Variants in LIMCH1 observed in about 807,000 individuals in gnomAD.
LIMCH1 encodes LIM and calponin homology domains 1.
LIMCH1 carries 113 observed loss-of-function variants against 176.5 expected under a neutral mutation model. That is an observed-to-expected ratio of 0.64 (90% CI 0.55 to 0.75). LIMCH1 has a LOEUF of 0.75. LIMCH1 is among the 30% of genes least tolerant of loss of function. The pLI, the probability that LIMCH1 is intolerant of heterozygous loss-of-function variation, is 0.00. For synonymous variants in LIMCH1, 619 were observed against 645.9 expected, an observed-to-expected ratio of 0.96 and a Z score of 0.63; for missense variants, 1,674 against 1,814.9, an observed-to-expected ratio of 0.92 and a Z score of 1.41.
chr4:41,644,382 G>A lies in LIMCH1; in HGVS notation c.2127-118G>A, dbSNP rs1369060436. The A allele has an allele frequency of 3.8e-6, 5 of 1,301,758 alleles. No homozygotes were observed. In the Admixed American group the frequency reaches 1.0e-4, roughly 27 times the overall value. The allele number at this position is 1,301,758 out of a possible 1,614,324, so 80.6% of individuals were successfully genotyped here. A position where few individuals can be genotyped will look rare whatever the true frequency, so the allele number is the denominator to read the frequency against. ...GCCAGTCACGCGCTGTGCGCAGCCC[G>A]GGAAGGGGGCAGTTTTCCAAGCCCG... On this transcript the variant is annotated intron_variant, in intron 14 of 31. Transcript: ENST00000503057.
intron 1 of LIMCH1, among the ~76,000 whole-genome samples, chr4:41,416,497 CA>C (rs201179645): frequency 2.0e-4 from 29 of 143,046 alleles, no homozygotes; most frequent in South Asian, 4.4e-4. Context: ...ACTAAAAATA[CA>C]AAAAAAAAAA....
chr4:41,457,702 C>T (rs149630943), intron 1 of LIMCH1, among the ~76,000 whole-genome samples: 5 of 152,282 alleles, frequency 3.3e-5, no homozygotes, highest in Admixed American at 6.5e-5. Flanking sequence ...AGACTTTGGA[C>T]AAAGCCATGG....
chr4:41,390,239 G>GGA (rs34011822), intron 1 of LIMCH1, among the ~76,000 whole-genome samples: 29,267 of 138,080 alleles, frequency 0.21, 3,021 homozygotes, highest in Admixed American at 0.26. Context: ...TCTCTCTCAG[G>GGA]GAGAGAGAGA....
At chr4:41,426,139 A>G (rs920583300) in intron 1 of LIMCH1, among the ~76,000 whole-genome samples, 21 of 144,452 alleles carry the variant, frequency 1.5e-4, no homozygotes, top group African/African-American at 5.2e-4. Context: ...CTCCTGCCTC[A>G]GCCTCCCAAG....
chr4:41,466,642 A>G (rs1350087435), intron 1 of LIMCH1, among the ~76,000 whole-genome samples: 1 of 152,172 alleles, frequency 6.6e-6, no homozygotes, highest in Non-Finnish European at 1.5e-5. Flanking sequence ...AGCTATCTCT[A>G]AATAGCCAGA....
chr4:41,695,940 T>G (rs1730332523), intron 31 of LIMCH1, among the ~76,000 whole-genome samples: 1 of 152,178 alleles, frequency 6.6e-6, no homozygotes, highest in Admixed American at 6.6e-5. Flanking sequence ...TAAAAACCAT[T>G]TTTCTTTCTT....
intron 5 of LIMCH1, among the ~76,000 whole-genome samples, chr4:41,618,270 A>C (rs1488216540): frequency 2.0e-5 from 3 of 152,190 alleles, no homozygotes; most frequent in Non-Finnish European, 4.4e-5. Context: ...CTTCATACTA[A>C]TAGATCCTAG....
At chr4:41,428,545 G>T (rs1341198314) in intron 1 of LIMCH1, among the ~76,000 whole-genome samples, 2 of 152,114 alleles carry the variant, frequency 1.3e-5, no homozygotes, top group Non-Finnish European at 1.5e-5. Flanking sequence ...GATAGACTAT[G>T]CATTTGGCCA....
intron 2 of LIMCH1, among the ~76,000 whole-genome samples, chr4:41,516,688 A>G (rs1436259688): frequency 1.3e-5 from 2 of 152,232 alleles, no homozygotes; most frequent in African/African-American, 4.8e-5. Context: ...TGCTTACAGT[A>G]TAGATGATTT....
At chr4:41,485,322 G>A (rs1300853951) in intron 1 of LIMCH1, among the ~76,000 whole-genome samples, 2 of 152,162 alleles carry the variant, frequency 1.3e-5, no homozygotes, top group African/African-American at 2.4e-5. Context: ...TCTGCTTTTG[G>A]TGTAACTGCT....
At chr4:41,641,457 T>A (rs923175075) in intron 14 of LIMCH1, among the ~76,000 whole-genome samples, 7 of 139,566 alleles carry the variant, frequency 5.0e-5, no homozygotes, top group Non-Finnish European at 1.1e-4. Flanking sequence ...TTGCTGATAT[T>A]TCTTAAAAAA....
chr4:41,461,927 A>G (rs939221452), intron 1 of LIMCH1, among the ~76,000 whole-genome samples: 5 of 152,242 alleles, frequency 3.3e-5, no homozygotes, highest in Non-Finnish European at 7.3e-5. Flanking sequence ...GGCCTCACCC[A>G]TGATTGATTG....
At chr4:41,509,346 G>A (rs1177313354) in intron 2 of LIMCH1, among the ~76,000 whole-genome samples, 1 of 152,180 alleles carries the variant, frequency 6.6e-6, no homozygotes, top group African/African-American at 2.4e-5. Flanking sequence ...GGCACAATGT[G>A]TCTTTGCACT....
intron 1 of LIMCH1, among the ~76,000 whole-genome samples, chr4:41,396,846 A>G (rs151116255): frequency 1.6e-4 from 25 of 152,144 alleles, no homozygotes; most frequent in African/African-American, 5.5e-4. Flanking sequence ...GGTTGCAATG[A>G]GCCAAGTGGT....
chr4:41,689,955 GA>G (rs1182830384), intron 30 of LIMCH1, among the ~76,000 whole-genome samples: 4 of 152,202 alleles, frequency 2.6e-5, no homozygotes, highest in Admixed American at 2.0e-4. Flanking sequence ...GGGCCATGTG[GA>G]TTTATTTGGA....
At chr4:41,519,340 A>G (rs765234918) in intron 2 of LIMCH1, among the ~76,000 whole-genome samples, 24 of 152,218 alleles carry the variant, frequency 1.6e-4, no homozygotes, top group Non-Finnish European at 3.2e-4. Context: ...CTTGTTGAGT[A>G]CATGAAAGAA....
chr4:41,416,863 A>G (rs77299257), intron 1 of LIMCH1, among the ~76,000 whole-genome samples: 4,164 of 152,220 alleles, frequency 0.027, 92 homozygotes, highest in Middle Eastern at 0.051. Flanking sequence ...AAGCTGACAA[A>G]CCTAGTTTCT....
intron 1 of LIMCH1, among the ~76,000 whole-genome samples, chr4:41,411,673 A>G (rs979151115): frequency 4.5e-5 from 5 of 111,426 alleles, no homozygotes; most frequent in Non-Finnish European, 9.1e-5. Flanking sequence ...GAAAAAAAAA[A>G]GGATAGGCTG....
chr4:41,629,678 C>T lies in LIMCH1; in HGVS notation c.1215C>T (p.Asn405=). 6.5e-7 allele frequency: 1 copy of T among 1,536,092 alleles called. No individual in the cohort carries two copies. Among genetic ancestry groups the T allele is most frequent in the Non-Finnish European group, 8.7e-7 (1 of 1,146,882 alleles). Residue 405 remains asparagine (N), a synonymous_variant, in exon 9 of 32, where the codon AAC becomes AAT. Transcript: ENST00000503057. ...CCCCGAGCTTCATTACGCTCTCCAA[C>T]ATAACAGAAGCTGACTTGGAGACGT... ...REPPSFITLS[N]ITEADLETWE... is the part of the protein sequence containing the mutation.
Sources: gnomAD v4.1 joint callset for allele counts (sites outside exome capture counted in the v4.1 genomes callset) on GRCh38, gnomAD v4.1.1 for gene constraint, MANE v1.5 for transcripts, NCBI Gene and HGNC (gene_info 2026-07-23, HGNC 2026-07-21) for gene names.